SLC35D2: variants seen among roughly 807,000 people sequenced by gnomAD.
The protein encoded by SLC35D2 is nucleotide sugar transporter SLC35D2.
SLC35D2 carries 43 observed loss-of-function variants against 41.8 expected under a neutral mutation model. The observed-to-expected ratio is 1.03, with a 90% CI of 0.81 to 1.33. The LOEUF (loss-of-function observed/expected upper bound fraction) is 1.33. SLC35D2 is among the 40% of genes most tolerant of loss of function. The probability of loss-of-function intolerance (pLI) is 0.00; values close to 1 mark genes in which losing one functional copy is unlikely to be tolerated. For missense variants in SLC35D2, 380 were observed against 408.4 expected (o/e 0.93, Z 0.60); for synonymous variants, 150 against 163.9 (o/e 0.92, Z 0.65).
chr9:96,333,380 A>T (rs1271878802), intron 9 of SLC35D2, among the ~76,000 whole-genome samples: 2 of 150,968 alleles, frequency 1.3e-5, no homozygotes, highest in Non-Finnish European at 3.0e-5. Context: ...GTGGACCACG[A>T]GGTCAGGAGA....
chr9:96,367,719 T>C (rs374989985), intron 2 of SLC35D2, among the ~76,000 whole-genome samples: 8 of 150,688 alleles, frequency 5.3e-5, no homozygotes, highest in East Asian at 1.9e-4. Context: ...GAGGCACAGG[T>C]GGCAGTGAGT....
chr9:96,317,477 C>T (rs1828080911), downstream of SLC35D2, among the ~76,000 whole-genome samples: 2 of 152,168 alleles, frequency 1.3e-5, no homozygotes, highest in Non-Finnish European at 2.9e-5. Context: ...AGTTCTTTAG[C>T]TGTACAGCAA....
intron 4 of SLC35D2, among the ~76,000 whole-genome samples, chr9:96,353,907 C>G (rs1489265128): frequency 6.6e-6 from 1 of 152,176 alleles, no homozygotes; most frequent in African/African-American, 2.4e-5. Context: ...AGAGCTGGAA[C>G]AGCAGCACAG....
At chr9:96,382,496 C>CACAA (rs200897475) in intron 1 of SLC35D2, among the ~76,000 whole-genome samples, 3 of 127,914 alleles carry the variant, frequency 2.3e-5, no homozygotes, top group Non-Finnish European at 5.1e-5. Context: ...CACACACACA[C>CACAA]TATATATATA....
At chr9:96,382,764 C>A (rs1831260819) in intron 1 of SLC35D2, among the ~76,000 whole-genome samples, 1 of 152,094 alleles carries the variant, frequency 6.6e-6, no homozygotes, top group Admixed American at 6.5e-5. Flanking sequence ...TCACATATAA[C>A]AGCTCGTGCA....
At chr9:96,371,160 C>A (rs1830657483) in intron 1 of SLC35D2, among the ~76,000 whole-genome samples, 1 of 151,980 alleles carries the variant, frequency 6.6e-6, no homozygotes. Context: ...GTTAAACCAC[C>A]AGAGTTATTA....
At chr9:96,339,179 C>T (rs1829193536) in intron 8 of SLC35D2, among the ~76,000 whole-genome samples, 3 of 152,038 alleles carry the variant, frequency 2.0e-5, no homozygotes, top group African/African-American at 4.8e-5. Flanking sequence ...GGCACGATCT[C>T]AGCTCACTGC....
chr9:96,372,628 A>G (rs1830756436), intron 1 of SLC35D2, among the ~76,000 whole-genome samples: 1 of 115,882 alleles, frequency 8.6e-6, no homozygotes, highest in South Asian at 2.7e-4. Flanking sequence ...TCTGTTGCCC[A>G]GGCTGGAGTG....
intron 4 of SLC35D2, among the ~76,000 whole-genome samples, chr9:96,358,171 G>A (rs992810862): frequency 1.4e-5 from 2 of 145,384 alleles, no homozygotes; most frequent in Non-Finnish European, 3.0e-5. Context: ...ATATAACATG[G>A]ATAAACCTTG....
At chr9:96,342,773 G>A (rs886488560) in intron 8 of SLC35D2, among the ~76,000 whole-genome samples, 4 of 152,310 alleles carry the variant, frequency 2.6e-5, no homozygotes, top group Admixed American at 6.5e-5. Context: ...AAGTGAGAAA[G>A]TCCAGCTGGA....
At chr9:96,331,550 G>T (rs7864561) in intron 9 of SLC35D2, among the ~76,000 whole-genome samples, 3,034 of 150,958 alleles carry the variant, frequency 0.02, 108 homozygotes, top group African/African-American at 0.07. Flanking sequence ...TTTAAATACT[G>T]AAGTCTTCAA....
chr9:96,339,259 C>T (rs972867606), intron 8 of SLC35D2, among the ~76,000 whole-genome samples: 1 of 152,074 alleles, frequency 6.6e-6, no homozygotes, highest in Non-Finnish European at 1.5e-5. Flanking sequence ...TACAGGCACT[C>T]GCCACCACAC....
chr9:96,382,496 C>CTCTATATATATATATATATATATATATA (rs1554719387), intron 1 of SLC35D2, among the ~76,000 whole-genome samples: 8 of 127,940 alleles, frequency 6.3e-5, no homozygotes, highest in Admixed American at 1.5e-4. Flanking sequence ...CACACACACA[C>CTCTATATATATATATATATATATATATA]TATATATATA....
intron 9 of SLC35D2, among the ~76,000 whole-genome samples, chr9:96,332,475 C>T (rs1031470213): frequency 1.3e-5 from 2 of 152,018 alleles, no homozygotes; most frequent in African/African-American, 2.4e-5. Context: ...AAAACTTTAC[C>T]ATTAAAGGTA....
intron 1 of SLC35D2, among the ~76,000 whole-genome samples, chr9:96,368,608 CTT>C (rs1445299752): frequency 6.6e-6 from 1 of 151,586 alleles, no homozygotes; most frequent in Non-Finnish European, 1.5e-5. Flanking sequence ...CTCAAGCCAT[CTT>C]TCCACCTTTG....
At chr9:96,375,435 G>A (rs1587725508) in intron 1 of SLC35D2, among the ~76,000 whole-genome samples, 1 of 150,926 alleles carries the variant, frequency 6.6e-6, no homozygotes. Context: ...AAAATTAGCT[G>A]GGCATGGTGG....
At chr9:96,361,762 G>C (rs1365473081) in intron 3 of SLC35D2, among the ~76,000 whole-genome samples, 4 of 151,010 alleles carry the variant, frequency 2.6e-5, no homozygotes, top group East Asian at 1.9e-4. Flanking sequence ...TGCACACACA[G>C]AGGAAAGGCC....
chr9:96,318,154 GA>G (rs1828103673), downstream of SLC35D2, among the ~76,000 whole-genome samples: 1 of 151,846 alleles, frequency 6.6e-6, no homozygotes, highest in African/African-American at 2.4e-5. Context: ...CAGCCCTCCA[GA>G]AGCCTCTTAA....
intron 11 of SLC35D2, among the ~76,000 whole-genome samples, chr9:96,321,779 C>A (rs1324808513): frequency 2.6e-5 from 4 of 152,108 alleles, no homozygotes; most frequent in Non-Finnish European, 5.9e-5. Flanking sequence ...GAGTTAAATT[C>A]CGATCCCAGC....
Sources: gnomAD v4.1 joint callset for allele counts (sites outside exome capture counted in the v4.1 genomes callset) on GRCh38, gnomAD v4.1.1 for gene constraint, MANE v1.5 for transcripts, NCBI Gene and HGNC (gene_info 2026-07-23, HGNC 2026-07-21) for gene names.